The following CD83 variants were observed in gnomAD, a reference collection of about 807,000 sequenced individuals.
CD83 encodes the protein CD83 antigen.
A neutral mutation model predicts 24.6 loss-of-function variants in CD83; 22 were observed. The observed-to-expected ratio is 0.90, with a 90% confidence interval of 0.64 to 1.28. CD83 has a LOEUF of 1.28. CD83 is among the 50% of genes most tolerant of loss of function. The pLI is 0.00. For missense variants in CD83, 253 were observed against 252.8 expected (o/e 1.00, Z -0.01); for synonymous variants, 101 against 103.5 (o/e 0.98, Z 0.14).
At position 14,135,839 on chromosome 6, in the gene CD83, G is replaced by T. The variant is rs1758037206; in HGVS notation, c.*603G>T. The T allele has an allele frequency of 6.6e-6, 1 of 152,256 alleles. No homozygotes were observed. Among genetic ancestry groups the T allele is most frequent in the Non-Finnish European group, 1.5e-5 (1 of 68,052 alleles). 9.4% of individuals were successfully genotyped at this position (152,256 alleles called of 1,614,324 possible). On this transcript the variant is annotated 3_prime_UTR_variant, in exon 5 of 5. Transcript: ENST00000379153. The stretch of plus-strand genomic sequence containing the variant: ...CAGCAGGGTCTTTTCATCTGGGAAA[G>T]ACATCCATAAAGAAGCAATAAAGAA...
upstream of CD83, chr6:14,117,592 G>A: frequency 7.0e-6 from 1 of 143,446 alleles, no homozygotes; most frequent in African/African-American, 3.1e-5. This position sits in a 1 kb window ranked among gnomAD's most constrained non-coding sequence, Gnocchi z 4.6. Flanking sequence ...CGGGTGCGAC[G>A]GGGGCGGGGA....
At chr6:14,133,542 A>G in intron 3 of CD83, 107 bp from the exon 4 acceptor site, 2 of 709,506 alleles carry the variant, frequency 2.8e-6, no homozygotes, top group Non-Finnish European at 4.9e-6. Context: ...TGGTGGGAAG[A>G]GGAGACAAGC....
At chr6:14,123,100 GTTT>G (rs70993012) in intron 2 of CD83, among the ~76,000 whole-genome samples, 1 of 141,808 alleles carries the variant, frequency 7.1e-6, no homozygotes. Flanking sequence ...GTTTGTTTTT[GTTT>G]TTTTTTTTTT....
chr6:14,117,695 C>T (rs1004482399), upstream of CD83: 185 of 712,432 alleles, frequency 2.6e-4, 1 homozygote, highest in African/African-American at 3.2e-3. This position sits in a 1 kb window ranked among gnomAD's most constrained non-coding sequence, Gnocchi z 4.6. Context: ...CGCTGCCCGC[C>T]GGGGAATCCC....
At chr6:14,132,894 A>G (rs910831213) in intron 3 of CD83, among the ~76,000 whole-genome samples, 2 of 152,204 alleles carry the variant, frequency 1.3e-5, no homozygotes, top group African/African-American at 4.8e-5. Context: ...CTATAGCCAA[A>G]GCTCAACTTG....
intron 2 of CD83, among the ~76,000 whole-genome samples, chr6:14,118,472 C>T (rs752145810): frequency 3.9e-5 from 6 of 152,120 alleles, no homozygotes; most frequent in Non-Finnish European, 7.4e-5. Context: ...CTTCTGATTT[C>T]TTGTGTTTTG....
At chr6:14,121,109 G>A (rs1349265458) in intron 2 of CD83, among the ~76,000 whole-genome samples, 2 of 152,154 alleles carry the variant, frequency 1.3e-5, no homozygotes, top group Admixed American at 1.3e-4. Context: ...GGCATAATGG[G>A]TGATTGAGAA....
At chr6:14,121,026 A>G (rs1237819558) in intron 2 of CD83, among the ~76,000 whole-genome samples, 1 of 152,230 alleles carries the variant, frequency 6.6e-6, no homozygotes, top group Non-Finnish European at 1.5e-5. Flanking sequence ...CTTCTCTTCT[A>G]TGGACCATGT....
chr6:14,122,667 G>A (rs1435971094), intron 2 of CD83, among the ~76,000 whole-genome samples: 1 of 152,078 alleles, frequency 6.6e-6, no homozygotes, highest in East Asian at 1.9e-4. Context: ...TGTCCCCATT[G>A]GCACCTATAG....
upstream of CD83, chr6:14,117,567 A>T (rs934579298): frequency 6.8e-4 from 90 of 132,358 alleles, no homozygotes; most frequent in African/African-American, 2.5e-3. The surrounding 1 kb of genome is among the most constrained non-coding windows in gnomAD (Gnocchi z 4.6). Flanking sequence ...GGGGACGCGC[A>T]CGCGGCGAGG....
Position 14,118,178 on chromosome 6 carries a change from G to A in CD83, c.153+113G>A, listed in dbSNP as rs577018663. ...TGGCTGCCAGGTGGGGGCGAGGGGC[G>A]TCTCCCGCAGCTGAACTTGGAGTAC... On this transcript the variant is annotated intron_variant, in intron 2 of 4. Transcript: ENST00000379153. The A allele has an allele frequency of 4.7e-5, 32 of 680,752 alleles. 1 individual carries two copies. In the African/African-American group the frequency reaches 5.0e-4, roughly 11 times the overall value. 42.2% of individuals were successfully genotyped at this position (680,752 alleles called of 1,614,324 possible).
chr6:14,130,924 A>G (rs1757880261), intron 2 of CD83, among the ~76,000 whole-genome samples: 1 of 152,204 alleles, frequency 6.6e-6, no homozygotes, highest in Non-Finnish European at 1.5e-5. Flanking sequence ...TCTCACTGCC[A>G]TAGTACAGAG....
chr6:14,126,847 T>G (rs1428867737), intron 2 of CD83, among the ~76,000 whole-genome samples: 1 of 152,168 alleles, frequency 6.6e-6, no homozygotes, highest in Non-Finnish European at 1.5e-5. Context: ...TTGGAATACA[T>G]CAGATTAATT....
At chr6:14,124,244 T>A (rs1759735885) in intron 2 of CD83, among the ~76,000 whole-genome samples, 1 of 152,224 alleles carries the variant, frequency 6.6e-6, no homozygotes, top group Non-Finnish European at 1.5e-5. Context: ...ACCAGTCTAC[T>A]GCATATCCCA....
intron 3 of CD83, among the ~76,000 whole-genome samples, chr6:14,133,315 A>G (rs1443012206): frequency 2.0e-5 from 3 of 152,258 alleles, no homozygotes; most frequent in Non-Finnish European, 4.4e-5. Context: ...GCCGCAGGAT[A>G]AGCCTGGACC....
chr6:14,128,853 T>C lies in CD83; in HGVS notation c.154-2667T>C, dbSNP rs1309098723. ...AAATCTAACCGTCAAATAAATTTTA[T>C]TGGTGTTGCTGCTGATTTTTAAAAT... is the stretch of plus-strand genomic sequence containing the variant. On this transcript the variant is annotated intron_variant, in intron 2 of 4. Coordinates refer to ENST00000379153, the MANE Select transcript of CD83 (RefSeq NM_004233.4). Among the ~76,000 whole-genome samples the C allele has an allele frequency of 2.6e-5, 4 of 152,364 alleles. No individual in the cohort carries two copies. In the East Asian group the frequency reaches 5.8e-4, roughly 22 times the overall value.
chr6:14,134,690 A>G (rs1311452160), intron 4 of CD83, among the ~76,000 whole-genome samples: 1 of 152,226 alleles, frequency 6.6e-6, no homozygotes, highest in Non-Finnish European at 1.5e-5. Context: ...TATGCTAGGC[A>G]CTGTACAGGG....
intron 2 of CD83, among the ~76,000 whole-genome samples, chr6:14,119,496 T>C (rs1411207134): frequency 7.9e-5 from 12 of 152,220 alleles, no homozygotes; most frequent in Non-Finnish European, 1.8e-4. Flanking sequence ...TAGGGATTAG[T>C]ACTGTTACTA....
intron 2 of CD83, among the ~76,000 whole-genome samples, chr6:14,120,291 C>T (rs1264347042): frequency 6.6e-6 from 1 of 151,882 alleles, no homozygotes; most frequent in East Asian, 1.9e-4. Flanking sequence ...TATTATTTTC[C>T]AGCCCAATAA....
Sources: allele counts gnomAD v4.1 joint callset (sites outside exome capture counted in the v4.1 genomes callset), GRCh38; gene constraint gnomAD v4.1.1; non-coding constraint Gnocchi (gnomAD v3.1); transcripts MANE v1.5; gene names NCBI Gene and HGNC (gene_info 2026-07-23, HGNC 2026-07-21).